The following GALNT17 variants were observed in gnomAD, a reference collection of about 807,000 sequenced individuals.
The protein encoded by GALNT17 is UDP-GalNAc:polypeptide N-acetylgalactosaminyltransferase-like 3.
GALNT17 carries 29 observed loss-of-function variants against 63.7 expected under a neutral mutation model. That is an observed-to-expected ratio of 0.46 (90% CI 0.34 to 0.62). The LOEUF is 0.62. Among genes scored for constraint, GALNT17 ranks in the 20% least tolerant of loss-of-function variants. The pLI, the probability that GALNT17 is intolerant of heterozygous loss-of-function variation, is 0.01. For synonymous variants in GALNT17, 305 were observed against 318.3 expected, an observed-to-expected ratio of 0.96 and a Z score of 0.45; for missense variants, 603 against 799.6, an observed-to-expected ratio of 0.75 and a Z score of 2.97.
intron 5 of GALNT17, among the ~76,000 whole-genome samples, chr7:71,532,752 C>A (rs1788741929): frequency 1.3e-5 from 2 of 152,242 alleles, no homozygotes; most frequent in South Asian, 4.2e-4. Flanking sequence ...TGCAGACCTC[C>A]AAATCCTTCT....
chr7:71,401,810 T>C (rs1793246887), intron 3 of GALNT17, among the ~76,000 whole-genome samples: 1 of 152,232 alleles, frequency 6.6e-6, no homozygotes, highest in Non-Finnish European at 1.5e-5. Context: ...CCACTGATTC[T>C]ACATTATGGT....
At chr7:71,607,786 T>G (rs1790068361) in intron 6 of GALNT17, among the ~76,000 whole-genome samples, 1 of 152,212 alleles carries the variant, frequency 6.6e-6, no homozygotes, top group South Asian at 2.1e-4. Flanking sequence ...TCCCTTGATT[T>G]TCACTTTTCT....
chr7:71,442,337 C>T (rs1009428115), intron 5 of GALNT17, among the ~76,000 whole-genome samples: 15 of 152,192 alleles, frequency 9.9e-5, no homozygotes, highest in Non-Finnish European at 2.1e-4. Context: ...GCTGGGACTA[C>T]GGGCGCCCGC....
At chr7:71,155,156 G>A (rs1452224198) in intron 1 of GALNT17, among the ~76,000 whole-genome samples, 3 of 151,832 alleles carry the variant, frequency 2.0e-5, no homozygotes, top group Non-Finnish European at 4.4e-5. Flanking sequence ...CCCCGTGGAC[G>A]ACGGTTATCT....
In GALNT17 at chr7:71,702,099, A is replaced by T. The variant is rs118039824; in HGVS notation, c.1501-8662A>T. Among the ~76,000 whole-genome samples the T allele has an allele frequency of 6.9e-4, 105 of 151,832 alleles. 2 individuals are homozygous for T. In the East Asian group the frequency reaches 0.02, roughly 29 times the overall value. On this transcript the variant is annotated intron_variant, in intron 9 of 10. Coordinates refer to ENST00000333538, the MANE Select transcript of GALNT17 (RefSeq NM_022479.3). The stretch of plus-strand genomic sequence containing the variant: ...TGGGAGCTAAACATTGGACATAGAA[A>T]TGGAAACAATAGACACTGTGGACTA...
At chr7:71,281,009 T>C (rs1411843322) in intron 1 of GALNT17, among the ~76,000 whole-genome samples, 2 of 152,046 alleles carry the variant, frequency 1.3e-5, no homozygotes, top group Non-Finnish European at 2.9e-5. Flanking sequence ...TGTAGTGGTC[T>C]CTCCAGGAGA....
intron 5 of GALNT17, among the ~76,000 whole-genome samples, chr7:71,514,605 A>G (rs1788416850): frequency 6.6e-6 from 1 of 152,140 alleles, no homozygotes; most frequent in African/African-American, 2.4e-5. Flanking sequence ...CAGGACCTCC[A>G]TGCCTGTCTA....
chr7:71,147,350 C>T (rs933823612), intron 1 of GALNT17, among the ~76,000 whole-genome samples: 2 of 152,128 alleles, frequency 1.3e-5, no homozygotes, highest in Non-Finnish European at 2.9e-5. Flanking sequence ...AAGCATCCAG[C>T]ACGGGAGAAA....
chr7:71,695,013 G>A (rs1791518894), intron 9 of GALNT17, among the ~76,000 whole-genome samples: 1 of 152,220 alleles, frequency 6.6e-6, no homozygotes, highest in Non-Finnish European at 1.5e-5. Flanking sequence ...CATGTCATCA[G>A]CGGTCTGTCC....
intron 5 of GALNT17, among the ~76,000 whole-genome samples, chr7:71,524,759 G>C (rs1788596708): frequency 6.6e-6 from 1 of 152,224 alleles, no homozygotes; most frequent in African/African-American, 2.4e-5. Context: ...TATTTTCTTA[G>C]TGTTTGCTTT....
intron 1 of GALNT17, among the ~76,000 whole-genome samples, chr7:71,294,853 A>G (rs73177837): frequency 6.6e-6 from 1 of 152,228 alleles, no homozygotes; most frequent in Non-Finnish European, 1.5e-5. Flanking sequence ...TGTTTTGTTC[A>G]TTTGCCCCCC....
intron 5 of GALNT17, among the ~76,000 whole-genome samples, chr7:71,558,381 A>G (rs978282239): frequency 6.6e-6 from 1 of 152,008 alleles, no homozygotes; most frequent in Non-Finnish European, 1.5e-5. Context: ...TACAGGTGAC[A>G]TGTTGCTTTG....
intron 5 of GALNT17, among the ~76,000 whole-genome samples, chr7:71,554,809 T>C (rs993488745): frequency 1.3e-5 from 2 of 152,274 alleles, no homozygotes; most frequent in Non-Finnish European, 2.9e-5. Flanking sequence ...CCTTCTCTTA[T>C]GTCTGTCTCT....
chr7:71,592,554 C>CAAAAAA (rs1562703292), intron 6 of GALNT17, among the ~76,000 whole-genome samples: 3 of 45,580 alleles, frequency 6.6e-5, no homozygotes, highest in Non-Finnish European at 1.7e-4. Context: ...AATAGCATAG[C>CAAAAAA]ATAGCATACT....
intron 5 of GALNT17, among the ~76,000 whole-genome samples, chr7:71,545,487 G>A (rs958460055): frequency 2.0e-5 from 3 of 152,270 alleles, no homozygotes; most frequent in Admixed American, 6.5e-5. Flanking sequence ...GAGTAGCTGG[G>A]ATTACAGGCA....
chr7:71,396,301 G>T (rs2960875), intron 3 of GALNT17, among the ~76,000 whole-genome samples: 1,690 of 152,126 alleles, frequency 0.011, 31 homozygotes, highest in African/African-American at 0.039. Flanking sequence ...TATGGTTTGA[G>T]GTAGGGATCC....
At chr7:71,136,654 T>C (rs1340403196) in intron 1 of GALNT17, among the ~76,000 whole-genome samples, 6 of 151,982 alleles carry the variant, frequency 3.9e-5, no homozygotes, top group African/African-American at 9.7e-5. Context: ...CCGGCTAATT[T>C]TTGTGTTTTT....
At position 71,421,095 on chromosome 7, in the gene GALNT17, C is replaced by G. The variant is rs372792355; in HGVS notation, c.952C>G (p.Leu318Val). 1 of 1,613,874 alleles carries G rather than the reference C, an allele frequency of 6.2e-7. No individual in the cohort carries two copies. Among genetic ancestry groups the G allele is most frequent in the Non-Finnish European group, 8.5e-7 (1 of 1,179,922 alleles). The change falls in exon 5 of 11, where the codon CTC becomes GTC. Residue 318 changes from leucine (L) to valine (V), a missense_variant. Coordinates refer to ENST00000333538, the MANE Select transcript of GALNT17 (RefSeq NM_022479.3). ...CTGGTGGGACGCCGGAGACCCTTCT[C>G]TCCCCATCAGGTCTGTGGCTGGTGA... ...KDWWDAGDPS[L>V]PIRTPAMIGC...
intron 1 of GALNT17, among the ~76,000 whole-genome samples, chr7:71,253,698 G>A (rs1251271612): frequency 6.6e-6 from 1 of 151,924 alleles, no homozygotes; most frequent in Non-Finnish European, 1.5e-5. Flanking sequence ...ACTGAGACTC[G>A]AGTCAGTCAT....
Sources: allele counts gnomAD v4.1 joint callset (sites outside exome capture counted in the v4.1 genomes callset), GRCh38; gene constraint gnomAD v4.1.1; transcripts MANE v1.5; gene names NCBI Gene and HGNC (gene_info 2026-07-23, HGNC 2026-07-21).